MINDY3: variants seen among roughly 807,000 people sequenced by gnomAD.
MINDY3 encodes the protein ubiquitin carboxyl-terminal hydrolase MINDY-3.
A neutral mutation model predicts 69.2 loss-of-function variants in MINDY3; 38 were observed. That is an observed-to-expected ratio of 0.55 (90% CI 0.42 to 0.72). The LOEUF (loss-of-function observed/expected upper bound fraction) is 0.72, where lower values mean the gene tolerates loss of function less well. MINDY3 is among the 30% of genes least tolerant of loss of function. MINDY3 has a pLI of 0.00. For missense variants in MINDY3, 522 were observed against 519.0 expected, an observed-to-expected ratio of 1.01 and a Z score of -0.06; for synonymous variants, 192 against 180.1, an observed-to-expected ratio of 1.07 and a Z score of -0.53.
In MINDY3 at chr10:15,796,141, G is replaced by T; in HGVS notation, c.914C>A (p.Ser305Ter). 6.2e-7 allele frequency: 1 copy of T among 1,612,746 alleles called. No homozygotes were observed. The highest frequency in any genetic ancestry group is 8.5e-7 in the Non-Finnish European group (1 of 1,179,100). The change falls in exon 11 of 15, where the codon TCA becomes TAA. Residue 305 changes from serine to a stop codon, truncating the protein, a stop_gained. Coordinates refer to ENST00000277632, the MANE Select transcript of MINDY3 (RefSeq NM_024948.4). LOFTEE classifies it high-confidence loss of function. The part of the protein sequence containing the change: ...DMALVAPEAP[S>*]EQARRVFQTY... ...TTGAAAAACTCTTCTGGCTTGTTCT[G>T]AAGGAGCTTCAGGGGCAACTAAAGC...
Position 15,841,582 on chromosome 10 carries a change from G to C in MINDY3, c.253C>G (p.Leu85Val). Reference sequence around the variant, plus strand: ...ATATCACACAAGGTATGACAAAGGAGTTCCTTCTGCTCTTCCTCTAAAAAT... The same window carrying C: ...ATATCACACAAGGTATGACAAAGGACTTCCTTCTGCTCTTCCTCTAAAAAT... ...RDCSEEEQKE[L>V]LCHTLCDILE... The change falls in exon 4 of 15, where the codon CTC becomes GTC. Residue 85 changes from leucine to valine, a missense_variant. Transcript: ENST00000277632. 6.2e-7 allele frequency: 1 copy of C among 1,606,306 alleles called. No individual in the cohort carries two copies. Among genetic ancestry groups the C allele is most frequent in the Non-Finnish European group, 8.5e-7 (1 of 1,175,966 alleles).
At position 15,831,643 on chromosome 10, in the gene MINDY3, C is replaced by T. The variant is rs542101661; in HGVS notation, c.730+1987G>A. Among the ~76,000 whole-genome samples, 70 of 150,838 alleles carry T rather than the reference C, an allele frequency of 4.6e-4. 1 individual carries two copies. The South Asian group carries it at 0.014, about 29-fold the overall frequency. ...TTCTGTACAGGAAGTAACGACTTCACGTCAAGAGCTGCCTAAGGAGCCTCC... is the reference window on the plus strand; with the variant it reads ...TTCTGTACAGGAAGTAACGACTTCATGTCAAGAGCTGCCTAAGGAGCCTCC... On this transcript the variant is annotated intron_variant, in intron 8 of 14. Transcript: ENST00000277632.
chr10:15,796,033 G>A (rs1837794946), intron 11 of MINDY3, 67 bp downstream of exon 11: 1 of 1,112,476 alleles, frequency 9.0e-7, no homozygotes, highest in African/African-American at 1.5e-5. Context: ...AATAAAATCA[G>A]GTCGCTATCA....
intron 7 of MINDY3, 89 bp from the exon 8 acceptor site, chr10:15,833,798 C>T (rs983383134): frequency 2.4e-6 from 2 of 835,608 alleles, no homozygotes; most frequent in African/African-American, 3.5e-5. Context: ...AATGACTTTT[C>T]ACATTAAATT....
At chr10:15,813,665 A>C (rs921530250) in intron 10 of MINDY3, among the ~76,000 whole-genome samples, 1 of 152,154 alleles carries the variant, frequency 6.6e-6, no homozygotes, top group African/African-American at 2.4e-5. Context: ...AAAGCTCATA[A>C]ATGAGTATAT....
At chr10:15,813,169 T>C (rs1191238199) in intron 10 of MINDY3, among the ~76,000 whole-genome samples, 3 of 152,204 alleles carry the variant, frequency 2.0e-5, no homozygotes, top group Admixed American at 6.5e-5. Context: ...TTAACAAGTC[T>C]AGTTGTCCTA....
intron 4 of MINDY3, among the ~76,000 whole-genome samples, chr10:15,838,861 A>G (rs569830016): frequency 5.9e-4 from 89 of 151,904 alleles, no homozygotes; most frequent in African/African-American, 2.0e-3. Context: ...CATTTTAATC[A>G]GAGGTAATGT....
intron 1 of MINDY3, among the ~76,000 whole-genome samples, chr10:15,850,983 C>T (rs1834244954): frequency 6.6e-6 from 1 of 152,088 alleles, no homozygotes. Context: ...GTGCTGGTTC[C>T]CCCGATAAGT....
intron 8 of MINDY3, among the ~76,000 whole-genome samples, chr10:15,827,557 T>G (rs903800327): frequency 1.3e-5 from 2 of 151,162 alleles, no homozygotes; most frequent in African/African-American, 4.9e-5. Context: ...AATAAATAAA[T>G]AAATAAATAA....
At chr10:15,833,348 C>T (rs1254534359) in intron 8 of MINDY3, among the ~76,000 whole-genome samples, 1 of 152,110 alleles carries the variant, frequency 6.6e-6, no homozygotes, top group East Asian at 1.9e-4. Context: ...TGTGTTTATA[C>T]ATATTAAGAG....
intron 11 of MINDY3, among the ~76,000 whole-genome samples, chr10:15,792,555 A>G (rs1685746079): frequency 6.6e-6 from 1 of 152,096 alleles, no homozygotes; most frequent in Admixed American, 6.6e-5. Context: ...GGAACAGAAA[A>G]GACAAGGCAA....
chr10:15,779,099 C>T lies in MINDY3; in HGVS notation c.1231G>A (p.Asp411Asn). 2 of 1,613,574 alleles carry T rather than the reference C, an allele frequency of 1.2e-6. No homozygotes were observed. The highest frequency in any genetic ancestry group is 1.7e-5 in the Admixed American group (1 of 59,908). ...GTGTCATCTGTCTGTAGCATGGGATCTTCAAAACCCATCACAACTGCAGTC... is the reference window on the plus strand; with the variant it reads ...GTGTCATCTGTCTGTAGCATGGGATTTTCAAAACCCATCACAACTGCAGTC... Reference protein sequence around the residue: ...EGTAVVMGFEDPMLQTDDTPI... With the variant: ...EGTAVVMGFENPMLQTDDTPI... Residue 411 changes from aspartate to asparagine, a missense_variant, in exon 15 of 15, where the codon GAT becomes AAT. Coordinates refer to ENST00000277632, the MANE Select transcript of MINDY3 (RefSeq NM_024948.4).
chr10:15,802,822 AATC>A (rs1838359402), intron 10 of MINDY3, among the ~76,000 whole-genome samples: 2 of 152,256 alleles, frequency 1.3e-5, no homozygotes, highest in South Asian at 4.1e-4. Context: ...AAAAAAAAAA[AATC>A]ATGTTTTGCT....
At chr10:15,835,459 G>A (rs932200186) in intron 6 of MINDY3, among the ~76,000 whole-genome samples, 1 of 152,090 alleles carries the variant, frequency 6.6e-6, no homozygotes, top group Non-Finnish European at 1.5e-5. Context: ...AAAGAAGCAT[G>A]AGCTCTTGCA....
intron 2 of MINDY3, 84 bp downstream of exon 2, chr10:15,847,780 T>C (rs778975828): frequency 5.8e-6 from 5 of 859,870 alleles, no homozygotes; most frequent in Non-Finnish European, 9.7e-6. Flanking sequence ...ATAATTACTA[T>C]ATGGAGTACA....
intron 2 of MINDY3, among the ~76,000 whole-genome samples, chr10:15,845,646 G>A (rs1391848904): frequency 6.6e-6 from 1 of 150,900 alleles, no homozygotes; most frequent in African/African-American, 2.4e-5. Context: ...CTACAGGTGT[G>A]CACTACCATG....
At chr10:15,854,758 C>T (rs182112198) in intron 1 of MINDY3, among the ~76,000 whole-genome samples, 3 of 152,074 alleles carry the variant, frequency 2.0e-5, no homozygotes, top group Non-Finnish European at 4.4e-5. Flanking sequence ...CAATTTTCTC[C>T]AGCAATACAC....
At chr10:15,796,307 A>C in intron 10 of MINDY3, 135 bp from the exon 11 acceptor site, 1 of 686,224 alleles carries the variant, frequency 1.5e-6, no homozygotes, top group South Asian at 1.7e-5. Context: ...TAGATGTGTA[A>C]CGAGATAGGT....
At chr10:15,829,512 G>A (rs1409222183) in intron 8 of MINDY3, among the ~76,000 whole-genome samples, 1 of 152,160 alleles carries the variant, frequency 6.6e-6, no homozygotes, top group Admixed American at 6.5e-5. Flanking sequence ...TTGTGAAGGA[G>A]ACTAGTAAAA....
Sources: gnomAD v4.1 joint callset for allele counts (sites outside exome capture counted in the v4.1 genomes callset) on GRCh38, gnomAD v4.1.1 for gene constraint, MANE v1.5 for transcripts, NCBI Gene and HGNC (gene_info 2026-07-23, HGNC 2026-07-21) for gene names.